The following DECR1 variants were observed in gnomAD, a reference collection of about 807,000 sequenced individuals.
The protein encoded by DECR1 is 2,4-dienoyl-CoA reductase [(3E)-enoyl-CoA-producing], mitochondrial.
A neutral mutation model predicts 38.8 loss-of-function variants in DECR1; 44 were observed. The ratio of observed to expected loss-of-function variants is 1.13; its 90% CI spans 0.89 to 1.46. The LOEUF (loss-of-function observed/expected upper bound fraction) is 1.46. Ranked by LOEUF, DECR1 falls within the 40% of genes most tolerant of loss-of-function variation. DECR1 has a pLI of 0.00. For synonymous variants in DECR1, 148 were observed against 135.2 expected, an observed-to-expected ratio of 1.09 and a Z score of -0.66; for missense variants, 428 against 405.5, an observed-to-expected ratio of 1.06 and a Z score of -0.48.
intron 8 of DECR1, among the ~76,000 whole-genome samples, chr8:90,050,410 GAC>G (rs1437024879): frequency 3.3e-5 from 5 of 152,140 alleles, no homozygotes; most frequent in African/African-American, 4.8e-5. Flanking sequence ...GCAGCCAACA[GAC>G]ACATGAAAAA....
chr8:90,009,179 C>T (rs1259664542), intron 1 of DECR1, among the ~76,000 whole-genome samples: 1 of 152,148 alleles, frequency 6.6e-6, no homozygotes, highest in Non-Finnish European at 1.5e-5. Context: ...CTGTCTCCCT[C>T]CTTCCTTCTT....
chr8:90,051,770 A>G (rs751176360), intron 9 of DECR1, 31 bp downstream of exon 9: 2 of 1,611,972 alleles, frequency 1.2e-6, no homozygotes, highest in Non-Finnish European at 8.5e-7. Flanking sequence ...ATGTAATATC[A>G]GCAGCTAGGA....
chr8:90,042,489 G>A (rs1813786049), intron 6 of DECR1: 4 of 530,272 alleles, frequency 7.5e-6, no homozygotes, highest in South Asian at 6.8e-5. Flanking sequence ...GAGTGACTAA[G>A]GGTACAGACT....
intron 5 of DECR1, chr8:90,029,597 T>C (rs534978302): frequency 5.3e-5 from 8 of 152,284 alleles, no homozygotes; most frequent in African/African-American, 1.7e-4. Context: ...CTTGGAAGCA[T>C]TGAACTAAGT....
chr8:90,023,209 A>G (rs1259507448), intron 5 of DECR1, among the ~76,000 whole-genome samples: 2 of 152,190 alleles, frequency 1.3e-5, no homozygotes, highest in Non-Finnish European at 2.9e-5. Flanking sequence ...TGGGCATTGT[A>G]CATGTTTTGT....
At chr8:90,046,718 T>C (rs928025880) in intron 8 of DECR1, among the ~76,000 whole-genome samples, 3 of 151,998 alleles carry the variant, frequency 2.0e-5, no homozygotes, top group African/African-American at 7.3e-5. Context: ...GAAGAGCAAC[T>C]CCAAGACACA....
chr8:90,001,994 C>T (rs918626993), intron 1 of DECR1, among the ~76,000 whole-genome samples: 1 of 152,122 alleles, frequency 6.6e-6, no homozygotes, highest in Non-Finnish European at 1.5e-5. Flanking sequence ...CACCAGGTCC[C>T]GGAGCGAAGG....
Position 90,017,131 on chromosome 8 carries a change from G to A in DECR1, c.77G>A (p.Ser26Asn), listed in dbSNP as rs145323335. ...PCGLAPRRFF[S>N]YGTKILYQNT... ...TTCATTTTCCCCTTTTAGTTTTTCAGTTATGGGACAAAAATATTATATCAA... is the reference window on the plus strand; with the variant it reads ...TTCATTTTCCCCTTTTAGTTTTTCAATTATGGGACAAAAATATTATATCAA... The change falls in exon 2 of 10, where the codon AGT becomes AAT. Residue 26 changes from serine (S) to asparagine (N), a missense_variant. Physicochemically the swap from Ser to Asn is conservative, Grantham distance 46. Transcript: ENST00000220764. 3.3e-3 allele frequency: 5,312 copies of A among 1,611,594 alleles called. 12 individuals are homozygous for A. Among genetic ancestry groups the A allele is most frequent in the Non-Finnish European group, 3.9e-3 (4,551 of 1,178,540 alleles).
chr8:90,025,900 A>G (rs1403693315), intron 5 of DECR1, among the ~76,000 whole-genome samples: 1 of 152,196 alleles, frequency 6.6e-6, no homozygotes, highest in Non-Finnish European at 1.5e-5. Flanking sequence ...CGTCCCATCA[A>G]TACCTAATTT....
chr8:90,045,281 A>C (rs537189720), intron 8 of DECR1, among the ~76,000 whole-genome samples: 1 of 152,224 alleles, frequency 6.6e-6, no homozygotes, highest in South Asian at 2.1e-4. Context: ...TTTCCTAGCC[A>C]AGGGAAGCCC....
At chr8:90,024,816 A>T (rs1370995950) in intron 5 of DECR1, among the ~76,000 whole-genome samples, 7 of 152,120 alleles carry the variant, frequency 4.6e-5, no homozygotes, top group African/African-American at 1.4e-4. Flanking sequence ...CTGAATGGTA[A>T]TGCCTAGGTT....
intron 5 of DECR1, among the ~76,000 whole-genome samples, chr8:90,027,760 T>C (rs1204526254): frequency 1.3e-5 from 2 of 152,048 alleles, no homozygotes; most frequent in East Asian, 3.9e-4. Context: ...ATCCTGTGAT[T>C]ATAGTTTTTT....
intron 1 of DECR1, among the ~76,000 whole-genome samples, chr8:90,004,304 G>A (rs533342360): frequency 2.0e-5 from 3 of 150,272 alleles, no homozygotes; most frequent in Admixed American, 6.6e-5. Flanking sequence ...CCAAGATCAC[G>A]CCATTGCACT....
At position 90,049,059 on chromosome 8, in the gene DECR1, T is replaced by G. The variant is rs147209591; in HGVS notation, c.886-2618T>G. ...ATGCCTCAAAATAATAAGAGCTATT[T>G]ATGACAAACCCACAGCCAGGGGGCA... On this transcript the variant is annotated intron_variant, in intron 8 of 9. Transcript: ENST00000220764. Among the ~76,000 whole-genome samples the G allele has an allele frequency of 2.2e-3, 339 of 152,278 alleles. 2 individuals are homozygous for G. The highest frequency in any genetic ancestry group is 7.0e-3 in the African/African-American group (292 of 41,548).
intron 5 of DECR1, 39 bp from the exon 6 acceptor site, chr8:90,036,802 T>C (rs1315641290): frequency 1.5e-6 from 2 of 1,297,734 alleles, no homozygotes; most frequent in Non-Finnish European, 2.2e-6. Context: ...TAGTGATACA[T>C]CTATATTGCT....
At chr8:90,048,606 T>C (rs2130177361) in intron 8 of DECR1, among the ~76,000 whole-genome samples, 1 of 152,084 alleles carries the variant, frequency 6.6e-6, no homozygotes, top group South Asian at 2.1e-4. Flanking sequence ...CCACCAGAGG[T>C]ACAAAGAGGA....
chr8:90,017,861 A>T (rs1191510467), intron 2 of DECR1, among the ~76,000 whole-genome samples: 4 of 152,124 alleles, frequency 2.6e-5, no homozygotes, highest in Non-Finnish European at 5.9e-5. Context: ...TACCAGGAAA[A>T]TTGATGCAGT....
chr8:90,017,381 C>A, intron 2 of DECR1, 55 bp downstream of exon 2: 2 of 1,428,708 alleles, frequency 1.4e-6, no homozygotes, highest in Admixed American at 2.0e-5. Context: ...CTGTTCTGTG[C>A]CATAGTATTG....
At chr8:90,005,605 GGAA>G in intron 1 of DECR1, 1 of 372,522 alleles carries the variant, frequency 2.7e-6, no homozygotes, top group Non-Finnish European at 5.2e-6. Flanking sequence ...GCTCCCAAAA[GGAA>G]GAAGACCAAG....
Sources: gnomAD v4.1 joint callset for allele counts (sites outside exome capture counted in the v4.1 genomes callset) on GRCh38, gnomAD v4.1.1 for gene constraint, MANE v1.5 for transcripts, NCBI Gene and HGNC (gene_info 2026-07-23, HGNC 2026-07-21) for gene names.